Variants in TCEANC2 observed in about 807,000 individuals in gnomAD.
TCEANC2 encodes the protein transcription elongation factor A N-terminal and central domain containing 2, also known as transcription elongation factor A N-terminal and central domain-containing protein 2.
A neutral mutation model predicts 22.8 loss-of-function variants in TCEANC2; 20 were observed. That is an observed-to-expected ratio of 0.88 (90% CI 0.62 to 1.28). The LOEUF is 1.28. Ranked by LOEUF, TCEANC2 falls within the 50% of genes most tolerant of loss-of-function variation. The pLI is 0.00. For missense variants in TCEANC2, 251 were observed against 249.7 expected (o/e 1.01, Z -0.03); for synonymous variants, 84 against 95.5 (o/e 0.88, Z 0.70).
intron 2 of TCEANC2, among the ~76,000 whole-genome samples, chr1:54,062,397 T>A (rs959583372): frequency 6.6e-6 from 1 of 152,246 alleles, no homozygotes; most frequent in African/African-American, 2.4e-5. Flanking sequence ...GGAATTCTTT[T>A]GCTCTTGAAT....
intron 4 of TCEANC2, chr1:54,090,017 A>T: frequency 1.5e-6 from 1 of 676,306 alleles, no homozygotes; most frequent in Non-Finnish European, 2.8e-6. Flanking sequence ...CTATATGGAC[A>T]TAGGTAGCAA....
At position 54,054,548 on chromosome 1, in the gene TCEANC2, G is replaced by T. The variant is rs747600983; in HGVS notation, c.102+24G>T. On this transcript the variant is annotated intron_variant, in intron 2 of 4. Transcript: ENST00000234827. ...AGGTGAGAGGGGATCTGGGGCTAGAGGAAATGTGCAAAGGACTGATAGCAA... is the reference window on the plus strand; with the variant it reads ...AGGTGAGAGGGGATCTGGGGCTAGATGAAATGTGCAAAGGACTGATAGCAA... 6.2e-6 allele frequency: 10 copies of T among 1,602,674 alleles called. No homozygotes were observed. In the Admixed American group the frequency reaches 1.7e-4, roughly 27 times the overall value.
exon 5 of TCEANC2, chr1:54,112,446 A>G (rs1186579404): frequency 6.6e-6 from 1 of 152,192 alleles, no homozygotes; most frequent in Non-Finnish European, 1.5e-5. Flanking sequence ...TGCCAAGACT[A>G]TGCTCAGTGC....
chr1:54,060,835 G>T (rs944799354), intron 2 of TCEANC2, among the ~76,000 whole-genome samples: 2 of 151,816 alleles, frequency 1.3e-5, no homozygotes, highest in African/African-American at 4.8e-5. Context: ...AGCTACTCGT[G>T]ATTACAGGAG....
chr1:54,082,356 A>G (rs1658263303), intron 3 of TCEANC2, among the ~76,000 whole-genome samples: 5 of 152,174 alleles, frequency 3.3e-5, no homozygotes, highest in Admixed American at 2.6e-4. Context: ...GATTTTCCTA[A>G]TCACCTCTAT....
At chr1:54,110,561 G>A (rs1245986472), downstream of TCEANC2, among the ~76,000 whole-genome samples, 1 of 152,032 alleles carries the variant, frequency 6.6e-6, no homozygotes, top group Non-Finnish European at 1.5e-5. Flanking sequence ...CCGTAATTGC[G>A]CCACTGCACT....
In TCEANC2 at chr1:54,054,404, T is replaced by C. The variant is rs755937923; in HGVS notation, c.-19T>C. On this transcript the variant is annotated 5_prime_UTR_variant, in exon 2 of 5. Coordinates refer to ENST00000234827, the MANE Select transcript of TCEANC2 (RefSeq NM_153035.3). ...AGAACACGCTGCAAGCACGTCAAGGTAGTCGGAGTCCCCTAACAATGGATA... is the reference window on the plus strand; with the variant it reads ...AGAACACGCTGCAAGCACGTCAAGGCAGTCGGAGTCCCCTAACAATGGATA... The C allele has an allele frequency of 1.1e-5, 17 of 1,613,766 alleles. No homozygotes were observed. Among genetic ancestry groups the C allele is most frequent in the Non-Finnish European group, 1.4e-5 (17 of 1,179,944 alleles).
Position 54,053,765 on chromosome 1 carries a change from C to G in TCEANC2, c.-43+7C>G, listed in dbSNP as rs1657677512. On this transcript the variant is annotated splice_region_variant and intron_variant, in intron 1 of 4. Coordinates refer to ENST00000234827, the MANE Select transcript of TCEANC2 (RefSeq NM_153035.3). ...ACCAGGGCTGCTTTTCCTGGTGGGT[C>G]TCACGTCAGACCGTTGTTGGGTGCC... The G allele has an allele frequency of 6.5e-6, 1 of 153,504 alleles. No homozygotes were observed. The allele number at this position is 153,504 out of a possible 1,614,324, so 9.5% of individuals were successfully genotyped here. A position where few individuals can be genotyped will look rare whatever the true frequency, so the allele number is the denominator to read the frequency against.
At chr1:54,108,449 G>A (rs1658792457), downstream of TCEANC2, among the ~76,000 whole-genome samples, 1 of 152,168 alleles carries the variant, frequency 6.6e-6, no homozygotes, top group Non-Finnish European at 1.5e-5. Flanking sequence ...GTCCTTATAA[G>A]AAGAGATTAG....
chr1:54,101,968 G>A lies in TCEANC2; in HGVS notation c.*5495G>A, dbSNP rs1393463443. The A allele has an allele frequency of 6.6e-6, 1 of 152,228 alleles. No individual in the cohort carries two copies. Among genetic ancestry groups the A allele is most frequent in the Non-Finnish European group, 1.5e-5 (1 of 68,052 alleles). 9.4% of individuals were successfully genotyped at this position (152,228 alleles called of 1,614,324 possible). ...TTTTGAAAACACAAATGGGCAGGGT[G>A]CAGTGAGATTTTTAGGGGCCAATGG... On this transcript the variant is annotated 3_prime_UTR_variant, in exon 5 of 5. Transcript: ENST00000234827.
chr1:54,089,696 G>A (rs997885681), intron 4 of TCEANC2, among the ~76,000 whole-genome samples: 2 of 152,156 alleles, frequency 1.3e-5, no homozygotes, highest in African/African-American at 2.4e-5. Context: ...TGTTACTACA[G>A]TCTCTAAAAA....
At chr1:54,106,685 C>T (rs943131530), downstream of TCEANC2, among the ~76,000 whole-genome samples, 8 of 151,726 alleles carry the variant, frequency 5.3e-5, no homozygotes, top group African/African-American at 1.7e-4. Context: ...AAAAAGGAAG[C>T]TGCAGTACCA....
At chr1:54,088,929 TTC>T in intron 4 of TCEANC2, 139 bp downstream of exon 4, 2 of 501,420 alleles carry the variant, frequency 4.0e-6, no homozygotes, top group Non-Finnish European at 6.6e-6. Flanking sequence ...TAATTAAGAT[TTC>T]ATAATCTTAA....
At chr1:54,072,395 ATT>A (rs59248019) in intron 3 of TCEANC2, among the ~76,000 whole-genome samples, 1 of 143,778 alleles carries the variant, frequency 7.0e-6, no homozygotes, top group African/African-American at 2.5e-5. Context: ...TCCCCCCCAA[ATT>A]TTTTTTTTTT....
At chr1:54,075,220 A>G (rs1658125418) in intron 3 of TCEANC2, among the ~76,000 whole-genome samples, 1 of 152,242 alleles carries the variant, frequency 6.6e-6, no homozygotes, top group African/African-American at 2.4e-5. Context: ...CTGGAGAAAT[A>G]GGCATTCAGG....
At chr1:54,095,426 C>T (rs1223659970) in intron 4 of TCEANC2, among the ~76,000 whole-genome samples, 1 of 152,020 alleles carries the variant, frequency 6.6e-6, no homozygotes, top group Non-Finnish European at 1.5e-5. Context: ...AGGGGAATAG[C>T]TGAAGATGGG....
chr1:54,102,430 G>A lies in TCEANC2; in HGVS notation c.*5957G>A, dbSNP rs938107374. ...ACAACTCTTGATGCTACAGGGTTCTGGTAGAGACAGATCATCAGACCATGG... is the reference window on the plus strand; with the variant it reads ...ACAACTCTTGATGCTACAGGGTTCTAGTAGAGACAGATCATCAGACCATGG... On this transcript the variant is annotated 3_prime_UTR_variant, in exon 5 of 5. Transcript: ENST00000234827. 3 of 152,222 alleles carry A rather than the reference G, an allele frequency of 2.0e-5. No homozygotes were observed. The highest frequency in any genetic ancestry group is 7.2e-5 in the African/African-American group (3 of 41,460). 9.4% of individuals were successfully genotyped at this position (152,222 alleles called of 1,614,324 possible). A position where few individuals can be genotyped will look rare whatever the true frequency, so the allele number is the denominator to read the frequency against.
At chr1:54,106,762 G>GA (rs111305948), downstream of TCEANC2, among the ~76,000 whole-genome samples, 34 of 146,564 alleles carry the variant, frequency 2.3e-4, no homozygotes, top group Middle Eastern at 3.5e-3. Flanking sequence ...TTGAGAAAAA[G>GA]AAAAAAAAAA....
At chr1:54,083,055 C>A (rs1453525415) in intron 3 of TCEANC2, among the ~76,000 whole-genome samples, 1 of 152,076 alleles carries the variant, frequency 6.6e-6, no homozygotes, top group Non-Finnish European at 1.5e-5. Flanking sequence ...GGAAGTAGAT[C>A]TATATGACTT....
Sources: allele counts gnomAD v4.1 joint callset (sites outside exome capture counted in the v4.1 genomes callset), GRCh38; gene constraint gnomAD v4.1.1; transcripts MANE v1.5; gene names NCBI Gene and HGNC (gene_info 2026-07-23, HGNC 2026-07-21).